NLRP13: variants seen among roughly 807,000 people sequenced by gnomAD.
The protein encoded by NLRP13 is NLR family pyrin domain containing 13.
NLRP13 carries 82 observed loss-of-function variants against 94.4 expected under a neutral mutation model. The observed-to-expected ratio is 0.87, with a 90% CI of 0.73 to 1.04. The LOEUF is 1.04. Among genes scored for constraint, NLRP13 ranks in the 50% least tolerant of loss-of-function variants. The pLI, the probability that NLRP13 is intolerant of heterozygous loss-of-function variation, is 0.00. For missense variants in NLRP13, 1,426 were observed against 1,230.8 expected (o/e 1.16, Z -2.37); for synonymous variants, 553 against 464.7 (o/e 1.19, Z -2.45).
rs746284829 is a variant in NLRP13 at position 55,898,788 on chromosome 19, C to A, written c.2939G>T (p.Arg980Leu). ...KLLCEALKPHRALHTLGLAKC... is the reference protein window; with the variant it reads ...KLLCEALKPHLALHTLGLAKC... ...AACTCACCCAAGTGTGTGCAATGCA[C>A]GATGTGGTTTCAGAGCCTCACACAG... is the stretch of plus-strand genomic sequence containing the variant. Residue 980 changes from arginine (R) to leucine (L), a missense_variant, in exon 10 of 11, where the codon CGT becomes CTT. Physicochemically the swap from Arg to Leu is moderately radical, Grantham distance 102. Transcript: ENST00000342929. 2.5e-6 allele frequency: 4 copies of A among 1,609,894 alleles called. No homozygotes were observed. Among genetic ancestry groups the A allele is most frequent in the Non-Finnish European group, 3.4e-6 (4 of 1,178,304 alleles).
chr19:55,893,809 C>T (rs568278194), downstream of NLRP13, among the ~76,000 whole-genome samples: 3 of 152,266 alleles, frequency 2.0e-5, no homozygotes, highest in East Asian at 3.9e-4. Context: ...GTCAGAAGCC[C>T]CTTCTGCACA....
intron 4 of NLRP13, among the ~76,000 whole-genome samples, chr19:55,920,704 A>G (rs2123137315): frequency 6.6e-6 from 1 of 152,310 alleles, no homozygotes; most frequent in East Asian, 1.9e-4. Context: ...ATATTTCTCA[A>G]AGAACTAAAA....
chr19:55,907,433 G>A (rs1333208012), intron 7 of NLRP13, among the ~76,000 whole-genome samples: 6 of 152,146 alleles, frequency 3.9e-5, no homozygotes, highest in Admixed American at 2.0e-4. Context: ...TTCACTGGGT[G>A]TGGTGGCACA....
intron 9 of NLRP13, among the ~76,000 whole-genome samples, chr19:55,901,164 C>T (rs1986159262): frequency 6.6e-6 from 1 of 152,190 alleles, no homozygotes; most frequent in Admixed American, 6.5e-5. Flanking sequence ...AAGGAAAAGA[C>T]GAGCACTCAG....
chr19:55,923,340 G>T lies in NLRP13; in HGVS notation c.523+574C>A, dbSNP rs143957685. Among the ~76,000 whole-genome samples the T allele has an allele frequency of 4.1e-4, 62 of 152,228 alleles. No homozygotes were observed. The East Asian group carries it at 0.011, about 26-fold the overall frequency. ...CTTTCTTGGAAGGCTGGGGGAGAGG[G>T]GGTTGCAAAGCTTTGGGGAAGAATG... On this transcript the variant is annotated intron_variant, in intron 4 of 10. Coordinates refer to ENST00000342929, the MANE Select transcript of NLRP13 (RefSeq NM_176810.2).
At chr19:55,926,562 C>T (rs1161209995) in intron 1 of NLRP13, among the ~76,000 whole-genome samples, 1 of 152,152 alleles carries the variant, frequency 6.6e-6, no homozygotes, top group Admixed American at 6.5e-5. Flanking sequence ...CATTACTCCC[C>T]CCAGGCTCCA....
chr19:55,918,728 T>A (rs968907945), intron 4 of NLRP13, among the ~76,000 whole-genome samples: 1 of 152,014 alleles, frequency 6.6e-6, no homozygotes, highest in African/African-American at 2.4e-5. Flanking sequence ...ATCAGTAATT[T>A]AAAAAATTAA....
intron 9 of NLRP13, among the ~76,000 whole-genome samples, chr19:55,901,436 G>A (rs1986170295): frequency 1.3e-5 from 2 of 152,174 alleles, no homozygotes; most frequent in African/African-American, 4.8e-5. Context: ...GAGGGGAGAG[G>A]GGGAAAAGTC....
In NLRP13 at chr19:55,912,196, C is replaced by T; in HGVS notation, c.1621G>A (p.Glu541Lys). The change falls in exon 5 of 11, where the codon GAG (glutamate) becomes AAG (lysine). Residue 541 changes from glutamate (E) to lysine (K), a missense_variant. By Grantham distance (56) the Glu-to-Lys change is moderately conservative. Coordinates refer to ENST00000342929, the MANE Select transcript of NLRP13 (RefSeq NM_176810.2). ...CTTFTHLSFQ[E>K]FFAAMSFVLE... Reference sequence around the variant, plus strand: ...ACAAAGGACATGGCTGCAAAAAACTCCTGGAAACTTAGGTGGGTGAAAGTA... The same window carrying T: ...ACAAAGGACATGGCTGCAAAAAACTTCTGGAAACTTAGGTGGGTGAAAGTA... 1 of 1,614,106 alleles carries T rather than the reference C, an allele frequency of 6.2e-7. No individual in the cohort carries two copies.
At chr19:55,915,375 A>G (rs1263775707) in intron 4 of NLRP13, among the ~76,000 whole-genome samples, 2 of 152,074 alleles carry the variant, frequency 1.3e-5, no homozygotes, top group Non-Finnish European at 2.9e-5. Context: ...AAGCAGGTGG[A>G]TCACCTGAGG....
At chr19:55,903,301 G>C (rs1986241923) in intron 8 of NLRP13, among the ~76,000 whole-genome samples, 1 of 152,126 alleles carries the variant, frequency 6.6e-6, no homozygotes, top group Non-Finnish European at 1.5e-5. Flanking sequence ...CAAAGGAGCA[G>C]AGGGCCAGAG....
In NLRP13 at chr19:55,910,747, A is replaced by G; in HGVS notation, c.2112-14T>C. On this transcript the variant is annotated splice_polypyrimidine_tract_variant and intron_variant, in intron 5 of 10. Transcript: ENST00000342929. ...AACTTGCTTGTCCTTCATGAGGGAG[A>G]GACAGAACACGGATAAGAGCAAATT... 6.3e-7 allele frequency: 1 copy of G among 1,593,976 alleles called. No individual in the cohort carries two copies. Among genetic ancestry groups the G allele is most frequent in the Non-Finnish European group, 8.6e-7 (1 of 1,164,928 alleles).
In NLRP13 at chr19:55,907,970, GGGACATGAAAGCT is replaced by G. The variant is rs752035063; in HGVS notation, c.2283-27_2283-15del. 8 of 1,587,200 alleles carry G rather than the reference GGGACATGAAAGCT, an allele frequency of 5.0e-6. No individual in the cohort carries two copies. The East Asian group carries it at 1.8e-4, about 36-fold the overall frequency. On this transcript the variant is annotated splice_polypyrimidine_tract_variant and intron_variant, in intron 6 of 10. Coordinates refer to ENST00000342929, the MANE Select transcript of NLRP13 (RefSeq NM_176810.2). ...ACCGATTTGCACCTGAGGAAGGGAA[GGGACATGAAAGCT>G]GGATTGGGGGAGAAGACTGGTTTCC...
At chr19:55,902,290 G>T in intron 8 of NLRP13, 85 bp from the exon 9 acceptor site, 2 of 1,082,050 alleles carry the variant, frequency 1.8e-6, no homozygotes, top group African/African-American at 2.0e-5. Flanking sequence ...GGCCCCCTCC[G>T]AGCCTACACA....
At chr19:55,924,712 C>T (rs1446133187) in intron 2 of NLRP13, 54 bp from the exon 3 acceptor site, 3 of 1,499,942 alleles carry the variant, frequency 2.0e-6, no homozygotes, top group Non-Finnish European at 2.8e-6. Flanking sequence ...GAAAATGGGC[C>T]AGCAATAATG....
chr19:55,896,029 T>C lies in NLRP13; in HGVS notation c.3048A>G (p.Leu1016=). ...CACCATCAGTATCCAATTCATTGCC[T>C]AGAAGGTTCAGATTGACCAGGCTCT... ...SSKSLVNLNL[L]GNELDTDGVK... is the part of the protein sequence containing the mutation. The change falls in exon 11 of 11, where the codon CTA becomes CTG. Residue 1016 remains leucine, a synonymous_variant. Coordinates refer to ENST00000342929, the MANE Select transcript of NLRP13 (RefSeq NM_176810.2). 1 of 1,614,198 alleles carries C rather than the reference T, an allele frequency of 6.2e-7. No individual in the cohort carries two copies. Among genetic ancestry groups the C allele is most frequent in the South Asian group, 1.1e-5 (1 of 91,082 alleles).
Position 55,924,947 on chromosome 19 carries a change from A to T in NLRP13, c.388+20T>A. ...CCATCAAGCAACCTGTCCATTATCA[A>T]CTTAAAGTAGTGTACACACCTGCTG... On this transcript the variant is annotated intron_variant, in intron 2 of 10. Coordinates refer to ENST00000342929, the MANE Select transcript of NLRP13 (RefSeq NM_176810.2). 1 of 1,607,132 alleles carries T rather than the reference A, an allele frequency of 6.2e-7. No homozygotes were observed. The highest frequency in any genetic ancestry group is 8.5e-7 in the Non-Finnish European group (1 of 1,173,572).
At chr19:55,906,392 AAGAT>A (rs1986352442) in intron 7 of NLRP13, among the ~76,000 whole-genome samples, 1 of 150,920 alleles carries the variant, frequency 6.6e-6, no homozygotes, top group Admixed American at 6.9e-5. Context: ...GAAAGACAGA[AAGAT>A]AGAAAATAAG....
At chr19:55,900,914 T>C (rs553086969) in intron 9 of NLRP13, among the ~76,000 whole-genome samples, 1 of 152,146 alleles carries the variant, frequency 6.6e-6, no homozygotes, top group Non-Finnish European at 1.5e-5. Context: ...TTGTAATATA[T>C]GCTCTTCTCT....
Sources: allele counts gnomAD v4.1 joint callset (sites outside exome capture counted in the v4.1 genomes callset), GRCh38; gene constraint gnomAD v4.1.1; transcripts MANE v1.5; gene names NCBI Gene and HGNC (gene_info 2026-07-23, HGNC 2026-07-21).